Variants in BRSK2 observed in about 807,000 individuals in gnomAD.
The protein encoded by BRSK2 is BR serine/threonine kinase 2, also known as serine/threonine-protein kinase BRSK2.
A neutral mutation model predicts 83.3 loss-of-function variants in BRSK2; 19 were observed. The observed-to-expected ratio is 0.23, with a 90% CI of 0.16 to 0.33. The LOEUF (loss-of-function observed/expected upper bound fraction) is 0.33. BRSK2 is among the 10% of genes least tolerant of loss of function. The pLI is 1.00. For synonymous variants in BRSK2, 519 were observed against 435.4 expected, an observed-to-expected ratio of 1.19 and a Z score of -2.39; for missense variants, 798 against 1,042.3, an observed-to-expected ratio of 0.77 and a Z score of 3.23.
intron 16 of BRSK2, among the ~76,000 whole-genome samples, chr11:1,455,612 C>T (rs116467247): frequency 0.018 from 2,769 of 152,130 alleles, 84 homozygotes; most frequent in African/African-American, 0.062. Context: ...AGGCCTCAGA[C>T]TGCACTTGGA....
chr11:1,451,551 C>T (rs1590658255), intron 15 of BRSK2, 132 bp downstream of exon 15: 16 of 924,872 alleles, frequency 1.7e-5, no homozygotes, highest in Non-Finnish European at 2.4e-5. Context: ...GCAGGCAGGC[C>T]CGTCTCGGCC....
At chr11:1,459,863 C>T (rs1847190686) in intron 19 of BRSK2, among the ~76,000 whole-genome samples, 1 of 152,176 alleles carries the variant, frequency 6.6e-6, no homozygotes, top group African/African-American at 2.4e-5. Context: ...GTTCATCTGT[C>T]TGTCTGCTGC....
chr11:1,393,367 CG>C (rs1218675023), intron 1 of BRSK2, among the ~76,000 whole-genome samples: 34 of 152,062 alleles, frequency 2.2e-4, no homozygotes, highest in African/African-American at 8.2e-4. Flanking sequence ...TGGAGAACCT[CG>C]GGCCCTTGGA....
chr11:1,456,937 G>A (rs758772539), intron 18 of BRSK2: 79 of 1,596,218 alleles, frequency 4.9e-5, no homozygotes, highest in Middle Eastern at 3.3e-4. Flanking sequence ...ACTGAAAGGC[G>A]CCTCTTGTCC....
At chr11:1,433,128 G>C (rs548639018) in intron 1 of BRSK2, among the ~76,000 whole-genome samples, 13 of 130,382 alleles carry the variant, frequency 1.0e-4, no homozygotes, top group East Asian at 9.8e-4. Context: ...AGCAGTGAGC[G>C]TCTTCTGCGG....
intron 1 of BRSK2, among the ~76,000 whole-genome samples, chr11:1,402,908 G>T (rs1262515855): frequency 2.0e-5 from 3 of 152,114 alleles, no homozygotes; most frequent in Non-Finnish European, 2.9e-5. Context: ...TTGGAGGTTT[G>T]TTGACCCTAA....
At chr11:1,405,083 G>A (rs866273882) in intron 1 of BRSK2, among the ~76,000 whole-genome samples, 4 of 152,082 alleles carry the variant, frequency 2.6e-5, no homozygotes, top group Non-Finnish European at 5.9e-5. Context: ...CTCTCTGAGG[G>A]GCCTGAGCAG....
At chr11:1,395,929 C>A (rs1039175439) in intron 1 of BRSK2, among the ~76,000 whole-genome samples, 3 of 152,196 alleles carry the variant, frequency 2.0e-5, no homozygotes, top group African/African-American at 7.2e-5. Context: ...GAATGCAGGG[C>A]CTGGGCTGTG....
chr11:1,451,462 G>T (rs1433550397), intron 15 of BRSK2, 43 bp downstream of exon 15: 1 of 1,603,244 alleles, frequency 6.2e-7, no homozygotes, highest in Non-Finnish European at 8.5e-7. Flanking sequence ...CTGACACCAG[G>T]CTGGCCGGGA....
chr11:1,446,020 G>A (rs1852004329), intron 12 of BRSK2, 113 bp downstream of exon 12: 1 of 1,367,630 alleles, frequency 7.3e-7, no homozygotes, highest in Non-Finnish European at 9.7e-7. Context: ...GCCATTGGGT[G>A]GGGCTGTATG....
intron 1 of BRSK2, among the ~76,000 whole-genome samples, chr11:1,434,326 CCT>C (rs1564836054): frequency 6.6e-6 from 1 of 151,510 alleles, no homozygotes; most frequent in Non-Finnish European, 1.5e-5. Flanking sequence ...AGTGGGGTCC[CCT>C]GTGATAACCT....
chr11:1,447,721 G>T, intron 12 of BRSK2: 1 of 1,380,258 alleles, frequency 7.2e-7, no homozygotes, highest in Non-Finnish European at 1.0e-6. Flanking sequence ...TACCCGGTGT[G>T]GCCCGGGCCC....
rs201565203 is a variant in BRSK2, at chr11:1,442,526, C to T, written c.450C>T (p.Asp150=). ...TGAAACCTGAAAACCTCCTGCTGGA[C>T]GAGAAGAACAACATCCGCATCGCAG... ...RDLKPENLLL[D]EKNNIRIADF... The change falls in exon 5 of 20, where the codon GAC becomes GAT. Residue 150 remains aspartate, a synonymous_variant. Coordinates refer to ENST00000528841, the MANE Select transcript of BRSK2 (RefSeq NM_001256627.2). The T allele has an allele frequency of 1.9e-3, 3,128 of 1,613,080 alleles. 7 individuals are homozygous for T. Among genetic ancestry groups the T allele is most frequent in the Non-Finnish European group, 2.1e-3 (2,447 of 1,179,780 alleles).
Position 1,442,484 on chromosome 11 carries a change from C to A in BRSK2, c.414-6C>A. ...CCCTGTTCAGCCTCACCACCCTCCT[C>A]CCCAGCCACAGGGATCTGAAACCTG... On this transcript the variant is annotated splice_polypyrimidine_tract_variant and splice_region_variant and intron_variant, in intron 4 of 19. Transcript: ENST00000528841. 1 of 1,610,838 alleles carries A rather than the reference C, an allele frequency of 6.2e-7. No individual in the cohort carries two copies. The highest frequency in any genetic ancestry group is 8.5e-7 in the Non-Finnish European group (1 of 1,178,000).
intron 3 of BRSK2, 116 bp from the exon 4 acceptor site, chr11:1,440,672 A>G: frequency 7.5e-7 from 1 of 1,337,806 alleles, no homozygotes; most frequent in Non-Finnish European, 1.0e-6. Context: ...AGCCAGCAAG[A>G]GGATGGGGGC....
chr11:1,418,210 G>T (rs1417084737), intron 1 of BRSK2, among the ~76,000 whole-genome samples: 53 of 94,480 alleles, frequency 5.6e-4, no homozygotes, highest in Middle Eastern at 9.3e-3. Flanking sequence ...CTGCTTCTGT[G>T]GGCTGTTTCT....
intron 1 of BRSK2, among the ~76,000 whole-genome samples, chr11:1,405,123 A>T (rs900269084): frequency 2.1e-5 from 2 of 97,234 alleles, no homozygotes; most frequent in African/African-American, 3.9e-5. Flanking sequence ...GAGGTCAGTC[A>T]CCCTGGGAGG....
chr11:1,450,736 C>G lies in BRSK2; in HGVS notation c.1437C>G (p.Leu479=), dbSNP rs776128207. 1 of 1,599,562 alleles carries G rather than the reference C, an allele frequency of 6.3e-7. No individual in the cohort carries two copies. Among genetic ancestry groups the G allele is most frequent in the Non-Finnish European group, 8.5e-7 (1 of 1,175,728 alleles). The change falls in exon 14 of 20, where the codon CTC becomes CTG. Residue 479 remains leucine, a synonymous_variant. Transcript: ENST00000528841. Reference sequence around the variant, plus strand: ...GAGGGGTGCCCTGGAGGGCGCGGCTCAACTCCATCAAGAACAGCTTTCTGG... The same window carrying G: ...GAGGGGTGCCCTGGAGGGCGCGGCTGAACTCCATCAAGAACAGCTTTCTGG... ...SVGGVPWRAR[L]NSIKNSFLGS...
In BRSK2 at chr11:1,434,462, C is replaced by T. The variant is rs534930168; in HGVS notation, c.92-1578C>T. On this transcript the variant is annotated intron_variant, in intron 1 of 19. Coordinates refer to ENST00000528841, the MANE Select transcript of BRSK2 (RefSeq NM_001256627.2). The stretch of plus-strand genomic sequence containing the variant: ...CTGTGATAATATGGGCCAGGATCTG[C>T]GTGTCTGGGGGCACCTAGGAGTGGG... Among the ~76,000 whole-genome samples, 19 of 123,900 alleles carry T rather than the reference C, an allele frequency of 1.5e-4. No homozygotes were observed. In the South Asian group the frequency reaches 4.4e-3, roughly 28 times the overall value. 81.3% of individuals were successfully genotyped at this position (123,900 alleles called of 152,430 possible).
Sources: gnomAD v4.1 joint callset for allele counts (sites outside exome capture counted in the v4.1 genomes callset) on GRCh38, gnomAD v4.1.1 for gene constraint, MANE v1.5 for transcripts, NCBI Gene and HGNC (gene_info 2026-07-23, HGNC 2026-07-21) for gene names.